SLC24A3: variants seen among roughly 807,000 people sequenced by gnomAD.
The protein encoded by SLC24A3 is sodium/potassium/calcium exchanger 3.
Under a neutral mutation model 75.8 loss-of-function variants are expected in SLC24A3, and 28 were observed. The observed-to-expected ratio is 0.37, with a 90% CI of 0.27 to 0.51. The LOEUF (loss-of-function observed/expected upper bound fraction) is 0.51, where lower values mean the gene tolerates loss of function less well. SLC24A3 is among the 20% of genes least tolerant of loss of function. The probability of loss-of-function intolerance (pLI) is 0.94; values close to 1 mark genes in which losing one functional copy is unlikely to be tolerated. For missense variants in SLC24A3, 663 were observed against 847.8 expected (o/e 0.78, Z 2.71); for synonymous variants, 372 against 334.1 (o/e 1.11, Z -1.24).
chr20:19,668,127 C>G (rs1162915198), intron 8 of SLC24A3, among the ~76,000 whole-genome samples: 2 of 152,172 alleles, frequency 1.3e-5, no homozygotes. Flanking sequence ...CTTCCCAGAG[C>G]ACTGGCCTGT....
At chr20:19,271,229 A>G (rs1983320322) in intron 1 of SLC24A3, among the ~76,000 whole-genome samples, 1 of 152,236 alleles carries the variant, frequency 6.6e-6, no homozygotes, top group South Asian at 2.1e-4. Flanking sequence ...AGCAATTTCA[A>G]AATGGGAATG....
chr20:19,567,166 C>T (rs1350071049), intron 3 of SLC24A3, among the ~76,000 whole-genome samples: 2 of 151,972 alleles, frequency 1.3e-5, no homozygotes, highest in African/African-American at 4.8e-5. Context: ...GGGTATATAC[C>T]CAATATATAG....
At chr20:19,421,785 C>T (rs1986922642) in intron 2 of SLC24A3, among the ~76,000 whole-genome samples, 1 of 152,176 alleles carries the variant, frequency 6.6e-6, no homozygotes, top group South Asian at 2.1e-4. Context: ...CGCCTCACAG[C>T]TTAAATTCCA....
chr20:19,620,786 ATAAC>A (rs1250048429), intron 6 of SLC24A3, among the ~76,000 whole-genome samples: 1 of 152,200 alleles, frequency 6.6e-6, no homozygotes, highest in African/African-American at 2.4e-5. Flanking sequence ...GGATGAGGCA[ATAAC>A]TCTGGCCTCA....
At chr20:19,602,520 G>A (rs562485033) in intron 6 of SLC24A3, among the ~76,000 whole-genome samples, 10 of 152,254 alleles carry the variant, frequency 6.6e-5, no homozygotes, top group Admixed American at 2.0e-4. Flanking sequence ...ACCACAGCTG[G>A]TTTTCAGTTT....
intron 2 of SLC24A3, among the ~76,000 whole-genome samples, chr20:19,414,807 A>C (rs1986800290): frequency 6.6e-6 from 1 of 152,210 alleles, no homozygotes; most frequent in African/African-American, 2.4e-5. Flanking sequence ...GCATGAACTC[A>C]ATCTGTGGAC....
intron 6 of SLC24A3, among the ~76,000 whole-genome samples, chr20:19,616,531 G>T (rs1291105593): frequency 2.0e-5 from 3 of 152,172 alleles, no homozygotes; most frequent in African/African-American, 7.2e-5. Context: ...CAGTTCTCAG[G>T]CCAACTGTCC....
intron 1 of SLC24A3, among the ~76,000 whole-genome samples, chr20:19,240,267 C>A (rs3790167): frequency 0.25 from 37,897 of 152,082 alleles, 4,840 homozygotes; most frequent in Middle Eastern, 0.31. Flanking sequence ...TCGTGATGTT[C>A]TTGTGAGCCA....
At chr20:19,305,740 T>C (rs1984311645) in intron 2 of SLC24A3, among the ~76,000 whole-genome samples, 1 of 152,092 alleles carries the variant, frequency 6.6e-6, no homozygotes, top group Non-Finnish European at 1.5e-5. Context: ...TTTCACCATA[T>C]ACAAAAATTA....
intron 2 of SLC24A3, among the ~76,000 whole-genome samples, chr20:19,344,657 A>G (rs3790187): frequency 0.055 from 8,415 of 152,246 alleles, 618 homozygotes; most frequent in East Asian, 0.26. Flanking sequence ...GTCTCCCAAA[A>G]TAGGTGAGAA....
intron 6 of SLC24A3, among the ~76,000 whole-genome samples, chr20:19,651,588 C>T (rs1320713076): frequency 1.3e-5 from 2 of 151,824 alleles, no homozygotes; most frequent in African/African-American, 2.4e-5. Flanking sequence ...GGCCAGGCGC[C>T]GTGGCTCACG....
At chr20:19,573,751 G>A (rs550089853) in intron 3 of SLC24A3, among the ~76,000 whole-genome samples, 1 of 152,300 alleles carries the variant, frequency 6.6e-6, no homozygotes, top group African/African-American at 2.4e-5. Context: ...GACTTTAGCT[G>A]GATTTGTGCT....
chr20:19,477,258 T>C (rs1473507167), intron 2 of SLC24A3, among the ~76,000 whole-genome samples: 2 of 152,160 alleles, frequency 1.3e-5, no homozygotes, highest in East Asian at 3.9e-4. Flanking sequence ...CCTCCAAATT[T>C]GGAAACTGGC....
intron 6 of SLC24A3, among the ~76,000 whole-genome samples, chr20:19,585,946 T>C (rs1353172155): frequency 6.6e-6 from 1 of 152,210 alleles, no homozygotes; most frequent in Non-Finnish European, 1.5e-5. Flanking sequence ...TGAGAATACA[T>C]GAGAATCTGC....
intron 2 of SLC24A3, among the ~76,000 whole-genome samples, chr20:19,291,227 G>A (rs1290708027): frequency 5.3e-5 from 8 of 152,168 alleles, no homozygotes; most frequent in East Asian, 3.9e-4. Flanking sequence ...CTGGTGCTTC[G>A]GGGTGGAATG....
chr20:19,445,425 G>A (rs1987364918), intron 2 of SLC24A3, among the ~76,000 whole-genome samples: 1 of 152,236 alleles, frequency 6.6e-6, no homozygotes, highest in Non-Finnish European at 1.5e-5. Flanking sequence ...ATCTGTCTTA[G>A]TTTGAAGTTT....
intron 2 of SLC24A3, among the ~76,000 whole-genome samples, 190 bp downstream of exon 2, chr20:19,281,277 C>T (rs1038006156): frequency 6.6e-6 from 1 of 152,164 alleles, no homozygotes; most frequent in African/African-American, 2.4e-5. Flanking sequence ...CCTCTGTGTT[C>T]GTTTTCTACT....
chr20:19,698,575 G>T lies in SLC24A3; in HGVS notation c.1614G>T (p.Gly538=). Residue 538 remains glycine, a synonymous_variant, in exon 15 of 17, where the codon GGG becomes GGT. Coordinates refer to ENST00000328041, the MANE Select transcript of SLC24A3 (RefSeq NM_020689.4). The part of the protein sequence containing the change: ...ASLIVARQGM[G]DMAVSNSIGS... ...GACCTCTTGTCCCTGCAGGGATGGG[G>T]GACATGGCTGTGTCCAACTCCATTG... is the stretch of plus-strand genomic sequence containing the variant. The T allele has an allele frequency of 6.3e-7, 1 of 1,580,724 alleles. No individual in the cohort carries two copies. Among genetic ancestry groups the T allele is most frequent in the Non-Finnish European group, 8.6e-7 (1 of 1,161,032 alleles).
At chr20:19,698,068 G>A (rs999017858) in intron 14 of SLC24A3, among the ~76,000 whole-genome samples, 2 of 152,248 alleles carry the variant, frequency 1.3e-5, no homozygotes, top group African/African-American at 4.8e-5. Flanking sequence ...GAAGGTGAAC[G>A]GGGAGCAGGC....
Sources: gnomAD v4.1 joint callset for allele counts (sites outside exome capture counted in the v4.1 genomes callset) on GRCh38, gnomAD v4.1.1 for gene constraint, MANE v1.5 for transcripts, NCBI Gene and HGNC (gene_info 2026-07-23, HGNC 2026-07-21) for gene names.